The following DNAH8 variants were observed in gnomAD, a reference collection of about 807,000 sequenced individuals.
The protein encoded by DNAH8 is axonemal beta dynein heavy chain 8.
Under a neutral mutation model 562.1 loss-of-function variants are expected in DNAH8, and 382 were observed. The ratio of observed to expected loss-of-function variants is 0.68; its 90% CI spans 0.63 to 0.74. The LOEUF is 0.74. Ranked by LOEUF, DNAH8 falls within the 30% of genes least tolerant of loss-of-function variation. DNAH8 has a pLI of 0.00. For missense variants in DNAH8, 5,203 were observed against 5,620.4 expected (o/e 0.93, Z 2.37); for synonymous variants, 1,881 against 1,919.4 (o/e 0.98, Z 0.52).
intron 20 of DNAH8, among the ~76,000 whole-genome samples, chr6:38,790,800 G>T (rs1208631904): frequency 2.0e-5 from 3 of 151,468 alleles, no homozygotes; most frequent in Admixed American, 2.0e-4. Flanking sequence ...TCCAACCTGG[G>T]CGACAGGGCA....
intron 82 of DNAH8, among the ~76,000 whole-genome samples, chr6:38,958,397 A>G (rs1452128458): frequency 6.8e-6 from 1 of 147,426 alleles, no homozygotes; most frequent in East Asian, 2.1e-4. Context: ...AGACTAAGAA[A>G]AAAAGAGATA....
chr6:38,941,563 A>G (rs1488497216), intron 79 of DNAH8, among the ~76,000 whole-genome samples: 3 of 152,182 alleles, frequency 2.0e-5, no homozygotes, highest in Non-Finnish European at 4.4e-5. Context: ...GTGGTGTGGT[A>G]CAATGAACAC....
chr6:39,003,229 C>G (rs377517407), intron 88 of DNAH8, among the ~76,000 whole-genome samples: 52 of 152,266 alleles, frequency 3.4e-4, no homozygotes, highest in African/African-American at 1.1e-3. Flanking sequence ...GGATGCAATT[C>G]TCTCTTTCCA....
At chr6:38,867,305 G>C (rs188277906) in intron 47 of DNAH8, among the ~76,000 whole-genome samples, 1 of 151,524 alleles carries the variant, frequency 6.6e-6, no homozygotes, top group Non-Finnish European at 1.5e-5. Context: ...TCACCACAAG[G>C]TTCCCTCATG....
At chr6:38,810,018 C>T (rs905152999) in intron 24 of DNAH8, among the ~76,000 whole-genome samples, 6 of 152,018 alleles carry the variant, frequency 3.9e-5, no homozygotes, top group African/African-American at 1.4e-4. Context: ...TTTAGTTTTA[C>T]CTCTTAAAAA....
intron 15 of DNAH8, 140 bp downstream of exon 15, chr6:38,780,205 G>T: frequency 1.2e-6 from 1 of 803,358 alleles, no homozygotes; most frequent in South Asian, 1.8e-5. Context: ...TCCCTTCTGT[G>T]TGGGAAGGTG....
intron 29 of DNAH8, among the ~76,000 whole-genome samples, chr6:38,827,195 G>A (rs910889001): frequency 6.6e-6 from 1 of 152,114 alleles, no homozygotes. Flanking sequence ...TTTCTCTTAT[G>A]TGGACTTTTG....
rs1167415185 is a variant in DNAH8, at chr6:38,938,120, C to G, written c.11710C>G (p.Arg3904Gly). The change falls in exon 78 of 93, where the codon CGC (arginine) becomes GGC (glycine). Residue 3904 changes from arginine to glycine, a missense_variant. This residue lies in a region of DNAH8 where 1,399 missense variants were observed against 1,518.4 expected (regional missense o/e 0.92). Transcript: ENST00000327475. ...AQEEFRPAATRGSILYFLITE... is the reference protein window; with the variant it reads ...AQEEFRPAATGGSILYFLITE... Reference sequence around the variant, plus strand: ...GGAGGAGTTCCGGCCCGCAGCCACCCGCGGAAGCATCCTCTACTTCCTCAT... The same window carrying G: ...GGAGGAGTTCCGGCCCGCAGCCACCGGCGGAAGCATCCTCTACTTCCTCAT... 1 of 1,613,964 alleles carries G rather than the reference C, an allele frequency of 6.2e-7. No individual in the cohort carries two copies. Among genetic ancestry groups the G allele is most frequent in the Middle Eastern group, 1.6e-4 (1 of 6,062 alleles).
intron 28 of DNAH8, among the ~76,000 whole-genome samples, chr6:38,824,262 G>T (rs973600996): frequency 2.6e-5 from 4 of 152,172 alleles, no homozygotes; most frequent in Non-Finnish European, 5.9e-5. Context: ...CAGGGTGTCT[G>T]GGCAGCATGG....
At chr6:38,918,801 C>T (rs1346669443) in intron 70 of DNAH8, among the ~76,000 whole-genome samples, 1 of 152,002 alleles carries the variant, frequency 6.6e-6, no homozygotes, top group South Asian at 2.1e-4. Flanking sequence ...ATACACACTG[C>T]CTCCAGGGCC....
At chr6:38,900,842 C>T (rs1314961110) in intron 62 of DNAH8, among the ~76,000 whole-genome samples, 1 of 152,134 alleles carries the variant, frequency 6.6e-6, no homozygotes, top group Non-Finnish European at 1.5e-5. Flanking sequence ...CTCTTGAACT[C>T]CTGACCTCAA....
chr6:38,844,423 G>A (rs1342951709), intron 35 of DNAH8, among the ~76,000 whole-genome samples: 4 of 152,146 alleles, frequency 2.6e-5, no homozygotes, highest in Non-Finnish European at 5.9e-5. Context: ...TATGGTTTGG[G>A]TTTTCTGCCT....
Position 38,862,363 on chromosome 6 carries a change from C to T in DNAH8, c.6215C>T (p.Thr2072Ile). 1 of 1,614,120 alleles carries T rather than the reference C, an allele frequency of 6.2e-7. No homozygotes were observed. Among genetic ancestry groups the T allele is most frequent in the African/African-American group, 1.3e-5 (1 of 75,030 alleles). ...CCTGCTGGCACTGGCAAAACAGAAA[C>T]CACAAAAGACATGGGAAGGTGTTTG... ...AGPAGTGKTE[T>I]TKDMGRCLGK... The change falls in exon 44 of 93, where the codon ACC (threonine) becomes ATC (isoleucine). Residue 2072 changes from threonine (T) to isoleucine (I), a missense_variant. Physicochemically the swap from Thr to Ile is moderately conservative, Grantham distance 89. Transcript: ENST00000327475.
Position 38,780,014 on chromosome 6 carries a change from A to C in DNAH8, c.2088A>C (p.Thr696=), listed in dbSNP as rs1203615860. 6.2e-7 allele frequency: 1 copy of C among 1,614,092 alleles called. No individual in the cohort carries two copies. The highest frequency in any genetic ancestry group is 2.2e-5 in the East Asian group (1 of 44,866). Residue 696 remains threonine (T), a synonymous_variant, in exon 15 of 93, where the codon ACA becomes ACC. Transcript: ENST00000327475. Reference sequence around the variant, plus strand: ...GTCTGGGATTAGAAATAAACCACACAATAGAGCGTATTCTTCAGTACTATG... The same window carrying C: ...GTCTGGGATTAGAAATAAACCACACCATAGAGCGTATTCTTCAGTACTATG... ...IPCLGLEINH[T]IERILQYYVA...
intron 13 of DNAH8, among the ~76,000 whole-genome samples, chr6:38,777,900 T>G (rs1318503638): frequency 6.6e-6 from 1 of 152,202 alleles, no homozygotes; most frequent in Non-Finnish European, 1.5e-5. Flanking sequence ...GAAAAATGCT[T>G]GTAAGGGACC....
chr6:38,961,218 G>A (rs545255957), intron 82 of DNAH8, among the ~76,000 whole-genome samples: 25 of 152,050 alleles, frequency 1.6e-4, no homozygotes, highest in African/African-American at 5.8e-4. Context: ...GTGTTCTAGT[G>A]CACAGTAAAG....
At chr6:39,008,066 G>A (rs187933046) in intron 88 of DNAH8, among the ~76,000 whole-genome samples, 1 of 151,606 alleles carries the variant, frequency 6.6e-6, no homozygotes, top group Admixed American at 6.6e-5. Flanking sequence ...GAAAGCTAGA[G>A]AGTGGGAATG....
intron 7 of DNAH8, among the ~76,000 whole-genome samples, chr6:38,740,760 A>G (rs1349472264): frequency 2.0e-5 from 3 of 152,018 alleles, no homozygotes; most frequent in East Asian, 1.9e-4. Flanking sequence ...GACTACAGGC[A>G]TGCACCACCA....
chr6:38,743,553 A>T (rs2654447), intron 8 of DNAH8, among the ~76,000 whole-genome samples: 34,329 of 151,884 alleles, frequency 0.23, 4,153 homozygotes, highest in African/African-American at 0.3. Context: ...CCCATTTCCA[A>T]CATTCCCCCT....
Sources: gnomAD v4.1 joint callset for allele counts (sites outside exome capture counted in the v4.1 genomes callset) on GRCh38, gnomAD v4.1.1 for gene constraint, gnomAD v4.1.1 regional missense constraint, MANE v1.5 for transcripts, NCBI Gene and HGNC (gene_info 2026-07-23, HGNC 2026-07-21) for gene names.